Variants in NUP160 observed in about 807,000 individuals in gnomAD.
The protein encoded by NUP160 is nuclear pore complex protein Nup160.
A neutral mutation model predicts 196.9 loss-of-function variants in NUP160; 94 were observed. That is an observed-to-expected ratio of 0.48 (90% confidence interval 0.40 to 0.57). The LOEUF is 0.57. NUP160 is among the 20% of genes least tolerant of loss of function. The pLI, the probability that NUP160 is intolerant of heterozygous loss-of-function variation, is 0.00. For missense variants in NUP160, 1,638 were observed against 1,748.3 expected (o/e 0.94, Z 1.13); for synonymous variants, 605 against 619.7 (o/e 0.98, Z 0.35).
intron 4 of NUP160, among the ~76,000 whole-genome samples, chr11:47,838,880 T>C (rs565446782): frequency 1.8e-4 from 27 of 152,002 alleles, no homozygotes; most frequent in African/African-American, 6.5e-4. Flanking sequence ...GGCAAATGCC[T>C]GTAATCCCAG....
At chr11:47,815,878 C>T (rs1291312254) in intron 12 of NUP160, 68 bp downstream of exon 12, 30 of 1,217,948 alleles carry the variant, frequency 2.5e-5, no homozygotes, top group Admixed American at 8.4e-5. Context: ...AGTAATTCCT[C>T]GGTCAGTACC....
chr11:47,839,956 G>C, exon 4 of NUP160: 1 of 1,613,958 alleles, frequency 6.2e-7, no homozygotes, highest in Non-Finnish European at 8.5e-7. Context: ...GGTGGAATTA[G>C]GAGATATTCC....
chr11:47,811,202 A>G (rs190148643), intron 17 of NUP160, among the ~76,000 whole-genome samples: 1 of 152,214 alleles, frequency 6.6e-6, no homozygotes, highest in Non-Finnish European at 1.5e-5. Context: ...GTTTAGGGTA[A>G]GCCTTGCACT....
chr11:47,791,629 C>A (rs2097667966), intron 29 of NUP160, among the ~76,000 whole-genome samples: 1 of 152,152 alleles, frequency 6.6e-6, no homozygotes, highest in Non-Finnish European at 1.5e-5. Flanking sequence ...GTGTGAGCCA[C>A]CACACCCGGC....
intron 9 of NUP160, 196 bp downstream of exon 9, chr11:47,821,528 A>C: frequency 1.9e-6 from 1 of 518,988 alleles, no homozygotes; most frequent in Non-Finnish European, 3.4e-6. Context: ...AGGCCCAGCT[A>C]ATTTTTTGTG....
intron 21 of NUP160, among the ~76,000 whole-genome samples, chr11:47,804,065 C>T (rs1045051477): frequency 6.6e-6 from 1 of 151,876 alleles, no homozygotes; most frequent in African/African-American, 2.4e-5. Context: ...CCTGTAATCC[C>T]AGCTACTCGG....
chr11:47,791,867 A>G lies in NUP160; in HGVS notation c.3511+63T>C. On this transcript the variant is annotated intron_variant, in intron 29 of 35. Coordinates refer to ENST00000378460, the Ensembl canonical transcript of NUP160. ...TTTAACTACATATTTCTATCATAATACAACTAACAATAACAACATTACTAC... is the reference window on the plus strand; with the variant it reads ...TTTAACTACATATTTCTATCATAATGCAACTAACAATAACAACATTACTAC... 3 of 1,052,310 alleles carry G rather than the reference A, an allele frequency of 2.9e-6. No homozygotes were observed. The East Asian group carries it at 7.1e-5, about 25-fold the overall frequency. The allele number at this position is 1,052,310 out of a possible 1,614,324, so 65.2% of individuals were successfully genotyped here.
intron 11 of NUP160, 66 bp downstream of exon 11, chr11:47,817,990 T>C (rs188069461): frequency 2.5e-4 from 231 of 910,360 alleles, no homozygotes; most frequent in Non-Finnish European, 3.5e-4. Context: ...AAAAACTTAA[T>C]AGTAATTATA....
At chr11:47,799,076 A>G (rs1032221015) in intron 23 of NUP160, among the ~76,000 whole-genome samples, 1 of 152,132 alleles carries the variant, frequency 6.6e-6, no homozygotes, top group Non-Finnish European at 1.5e-5. Flanking sequence ...AAGATAATTT[A>G]CTAAATGACT....
exon 31 of NUP160, chr11:47,788,291 C>T: frequency 1.9e-6 from 3 of 1,614,136 alleles, no homozygotes; most frequent in South Asian, 1.1e-5. Context: ...ACCATTTCCT[C>T]TGCTGATGAA....
At chr11:47,780,531 T>C in intron 34 of NUP160, 84 bp from the exon 35 acceptor site, 1 of 707,434 alleles carries the variant, frequency 1.4e-6, no homozygotes, top group Non-Finnish European at 2.2e-6. Context: ...CTCTGTAGAA[T>C]AAAATACCCT....
intron 21 of NUP160, 28 bp downstream of exon 21, chr11:47,804,521 T>C: frequency 7.7e-6 from 11 of 1,424,274 alleles, no homozygotes; most frequent in Non-Finnish European, 1.0e-5. Context: ...CAAGAATGTG[T>C]AGACATGAAA....
At chr11:47,811,826 C>T (rs75907537) in intron 17 of NUP160, among the ~76,000 whole-genome samples, 522 of 152,260 alleles carry the variant, frequency 3.4e-3, no homozygotes, top group Middle Eastern at 6.8e-3. Context: ...GATGTTCTCC[C>T]TCCCCACCGT....
At position 47,788,322 on chromosome 11, in the gene NUP160, A is replaced by T; in HGVS notation, c.3623-17T>A. 1 of 1,613,404 alleles carries T rather than the reference A, an allele frequency of 6.2e-7. No individual in the cohort carries two copies. The highest frequency in any genetic ancestry group is 1.1e-5 in the South Asian group (1 of 91,010). On this transcript the variant is annotated splice_polypyrimidine_tract_variant and intron_variant, in intron 30 of 35. Transcript: ENST00000378460. Reference sequence around the variant, plus strand: ...ATGAACTTCCTGTGAAAATGGAAAAAGATTATTTCGTGTAGCCAAGGTATA... The same window carrying T: ...ATGAACTTCCTGTGAAAATGGAAAATGATTATTTCGTGTAGCCAAGGTATA...
intron 23 of NUP160, among the ~76,000 whole-genome samples, chr11:47,801,035 C>A (rs955262924): frequency 2.0e-5 from 3 of 152,122 alleles, no homozygotes; most frequent in African/African-American, 7.2e-5. Flanking sequence ...ATGCGCTTGA[C>A]TTGAATGAGA....
At chr11:47,779,324 T>C in intron 35 of NUP160, 130 bp from the exon 36 acceptor site, 1 of 615,418 alleles carries the variant, frequency 1.6e-6, no homozygotes, top group East Asian at 2.9e-5. Flanking sequence ...CTTCATAAAA[T>C]CACCATTTGT....
chr11:47,833,833 T>C (rs1311278063), intron 7 of NUP160, among the ~76,000 whole-genome samples: 1 of 148,072 alleles, frequency 6.8e-6, no homozygotes, highest in East Asian at 2.2e-4. Flanking sequence ...TTTACACACA[T>C]CATCACAATT....
At position 47,848,367 on chromosome 11, in the gene NUP160, G is replaced by C; in HGVS notation, c.54C>G (p.Thr18=). The change falls in exon 1 of 36, where the codon ACC becomes ACG. Residue 18 remains threonine (T), a synonymous_variant. Transcript: ENST00000378460. ...CAACGGAACAAAGGCAGGGCCGCGC[G>C]GTCGCCGTCACTTCCGGGGGTGGGG... 3 of 1,610,348 alleles carry C rather than the reference G, an allele frequency of 1.9e-6. No homozygotes were observed. Among genetic ancestry groups the C allele is most frequent in the South Asian group, 2.2e-5 (2 of 90,920 alleles).
In NUP160 at chr11:47,813,872, C is replaced by T. The variant is rs566323302; in HGVS notation, c.1687-457G>A. On this transcript the variant is annotated intron_variant, in intron 13 of 35. Transcript: ENST00000378460. ...GGATCACGAGGTCAGGGGATCGAGA[C>T]CATCCTGGCTAACACGGTGAAACCC... 2.6e-5 allele frequency among the ~76,000 whole-genome samples: 4 copies of T among 151,750 alleles called. No homozygotes were observed. The East Asian group carries it at 5.8e-4, about 22-fold the overall frequency.
Sources: allele counts gnomAD v4.1 joint callset (sites outside exome capture counted in the v4.1 genomes callset), GRCh38; gene constraint gnomAD v4.1.1; transcripts MANE v1.5; gene names NCBI Gene and HGNC (gene_info 2026-07-23, HGNC 2026-07-21).